The following ZSCAN25 variants were observed in gnomAD, a reference collection of about 807,000 sequenced individuals.
ZSCAN25 encodes zinc finger and SCAN domain containing 25.
A neutral mutation model predicts 38.7 loss-of-function variants in ZSCAN25; 27 were observed. The observed-to-expected ratio is 0.70, with a 90% CI of 0.51 to 0.96. The LOEUF (loss-of-function observed/expected upper bound fraction) is 0.96, where lower values mean the gene tolerates loss of function less well. Among genes scored for constraint, ZSCAN25 ranks in the 40% least tolerant of loss-of-function variants. ZSCAN25 has a pLI of 0.00. For missense variants in ZSCAN25, 637 were observed against 705.9 expected, an observed-to-expected ratio of 0.90 and a Z score of 1.11; for synonymous variants, 273 against 277.7, an observed-to-expected ratio of 0.98 and a Z score of 0.17.
At chr7:99,622,315 G>C (rs569133021) in intron 5 of ZSCAN25, 15 of 563,414 alleles carry the variant, frequency 2.7e-5, no homozygotes, top group African/African-American at 2.5e-4. Flanking sequence ...GACAGGGCCG[G>C]GACAATCTTG....
the ZSCAN25 span, chr7:99,671,773 G>A: frequency 1.4e-6 from 1 of 702,096 alleles, no homozygotes; most frequent in Non-Finnish European, 2.6e-6. Flanking sequence ...TATAGAACCT[G>A]TCAGAGAAAA....
chr7:99,666,438 C>T, the ZSCAN25 span, among the ~76,000 whole-genome samples: 1 of 152,164 alleles, frequency 6.6e-6, no homozygotes, highest in East Asian at 1.9e-4. Context: ...TGACTTGCCG[C>T]CTCATGGGAG....
chr7:99,713,390 A>G, the ZSCAN25 span: 1 of 1,597,632 alleles, frequency 6.3e-7, no homozygotes, highest in Non-Finnish European at 8.6e-7. Flanking sequence ...TCTACCTGGA[A>G]TACTTCCTGC....
the ZSCAN25 span, among the ~76,000 whole-genome samples, chr7:99,708,498 A>T: frequency 7.3e-5 from 11 of 151,090 alleles, no homozygotes; most frequent in South Asian, 2.1e-4. Context: ...TCCTTCTTCT[A>T]ATCTCCATCT....
intron 4 of ZSCAN25, 119 bp from the exon 5 acceptor site, chr7:99,621,254 C>A: frequency 1.1e-6 from 1 of 911,924 alleles, no homozygotes; most frequent in Non-Finnish European, 1.5e-6. Flanking sequence ...ATTTTTCCTT[C>A]CTCTCCCCTG....
At chr7:99,641,731 C>T in the ZSCAN25 span, among the ~76,000 whole-genome samples, 1 of 152,148 alleles carries the variant, frequency 6.6e-6, no homozygotes, top group Non-Finnish European at 1.5e-5. Context: ...CTCTCTTATA[C>T]CCTACATCTA....
the ZSCAN25 span, among the ~76,000 whole-genome samples, chr7:99,713,926 T>C: frequency 6.6e-6 from 1 of 152,186 alleles, no homozygotes; most frequent in Non-Finnish European, 1.5e-5. Context: ...TCCCCAAATC[T>C]GTACAATCTT....
At position 99,630,492 on chromosome 7, in the gene ZSCAN25, G is replaced by T; in HGVS notation, c.*472G>T. ...AGCACCTGGCCGTGGGAATGCCGTG[G>T]TGAATGAGAGACTAGACGTGATGCC... is the stretch of plus-strand genomic sequence containing the variant. On this transcript the variant is annotated 3_prime_UTR_variant, in exon 8 of 8. Coordinates refer to ENST00000394152, the MANE Select transcript of ZSCAN25 (RefSeq NM_145115.3). The T allele has an allele frequency of 1.0e-6, 1 of 997,484 alleles. No individual in the cohort carries two copies. The highest frequency in any genetic ancestry group is 5.1e-4 in the Middle Eastern group (1 of 1,958). The allele number at this position is 997,484 out of a possible 1,614,324, so 61.8% of individuals were successfully genotyped here.
chr7:99,673,487 T>C, the ZSCAN25 span, among the ~76,000 whole-genome samples: 1 of 152,238 alleles, frequency 6.6e-6, no homozygotes, highest in Non-Finnish European at 1.5e-5. Context: ...AGTGCAATGG[T>C]ATAAACCAAT....
chr7:99,703,423 A>G, the ZSCAN25 span, among the ~76,000 whole-genome samples: 1 of 152,144 alleles, frequency 6.6e-6, no homozygotes, highest in African/African-American at 2.4e-5. Context: ...TTGAAATGTC[A>G]TTGTTACCTA....
At chr7:99,714,475 G>A in the ZSCAN25 span, 1 of 1,578,330 alleles carries the variant, frequency 6.3e-7, no homozygotes, top group South Asian at 1.2e-5. Context: ...AAAACATACA[G>A]GGAAGTGCAC....
the ZSCAN25 span, chr7:99,731,264 GGC>G: frequency 1.6e-6 from 2 of 1,226,062 alleles, no homozygotes; most frequent in Non-Finnish European, 2.3e-6. Flanking sequence ...GTAACATTAA[GGC>G]AATAAAAAAT....
At chr7:99,737,127 C>T in the ZSCAN25 span, among the ~76,000 whole-genome samples, 6 of 152,112 alleles carry the variant, frequency 3.9e-5, no homozygotes, top group Non-Finnish European at 5.9e-5. Flanking sequence ...TCAGTGGCTT[C>T]GCTGAGCACA....
chr7:99,689,113 AAAGC>A, the ZSCAN25 span, among the ~76,000 whole-genome samples: 1 of 152,182 alleles, frequency 6.6e-6, no homozygotes, highest in African/African-American at 2.4e-5. Context: ...AAGAACTAGA[AAAGC>A]AAGAGCAAAC....
the ZSCAN25 span, among the ~76,000 whole-genome samples, chr7:99,702,210 C>A: frequency 5.9e-5 from 9 of 152,054 alleles, no homozygotes; most frequent in African/African-American, 2.2e-4. Context: ...CCACCTCAGC[C>A]TCCTGAGTAG....
At chr7:99,710,701 C>A in the ZSCAN25 span, 1 of 1,613,560 alleles carries the variant, frequency 6.2e-7, no homozygotes, top group African/African-American at 1.3e-5. Flanking sequence ...GCTTCACCTC[C>A]TCCCTCCTTC....
chr7:99,707,881 G>C, the ZSCAN25 span: 3 of 1,614,032 alleles, frequency 1.9e-6, no homozygotes, highest in Non-Finnish European at 2.5e-6. Flanking sequence ...TCATGTTCAC[G>C]AGAGCAAACC....
chr7:99,702,436 GA>G, the ZSCAN25 span, among the ~76,000 whole-genome samples: 3 of 152,104 alleles, frequency 2.0e-5, no homozygotes, highest in African/African-American at 7.2e-5. Context: ...TGTGTCTGGT[GA>G]GATATAGGGG....
chr7:99,676,281 G>C, the ZSCAN25 span: 1 of 1,604,252 alleles, frequency 6.2e-7, no homozygotes, highest in Admixed American at 1.7e-5. Flanking sequence ...AGTTACTCAG[G>C]AACTGGAATG....
Sources: allele counts gnomAD v4.1 joint callset (sites outside exome capture counted in the v4.1 genomes callset), GRCh38; gene constraint gnomAD v4.1.1; transcripts MANE v1.5; gene names NCBI Gene and HGNC (gene_info 2026-07-23, HGNC 2026-07-21).